The following PDE1A variants were observed in gnomAD, a reference collection of about 807,000 sequenced individuals.
The protein encoded by PDE1A is dual specificity calcium/calmodulin-dependent 3',5'-cyclic nucleotide phosphodiesterase 1A.
PDE1A carries 35 observed loss-of-function variants against 61.7 expected under a neutral mutation model. That is an observed-to-expected ratio of 0.57 (90% CI 0.43 to 0.75). The LOEUF is 0.75. PDE1A is among the 30% of genes least tolerant of loss of function. PDE1A has a pLI of 0.00. For missense variants in PDE1A, 597 were observed against 630.6 expected (o/e 0.95, Z 0.57); for synonymous variants, 232 against 213.2 (o/e 1.09, Z -0.77).
At chr2:182,681,926 G>T in the PDE1A span, among the ~76,000 whole-genome samples, 20 of 152,288 alleles carry the variant, frequency 1.3e-4, no homozygotes, top group African/African-American at 4.6e-4. Flanking sequence ...GATTACAGGC[G>T]TGAGCCACCA....
intron 10 of PDE1A, among the ~76,000 whole-genome samples, chr2:182,199,700 T>C (rs548506723): frequency 3.3e-5 from 5 of 152,250 alleles, no homozygotes; most frequent in Non-Finnish European, 7.4e-5. Flanking sequence ...ATTTGGTAGG[T>C]TTTTACATTT....
intron 1 of PDE1A, among the ~76,000 whole-genome samples, chr2:182,376,626 A>C (rs577046594): frequency 6.6e-6 from 1 of 152,178 alleles, no homozygotes; most frequent in African/African-American, 2.4e-5. Flanking sequence ...CCTGTTACCC[A>C]GTTTCAAAGT....
intron 1 of PDE1A, among the ~76,000 whole-genome samples, chr2:182,378,699 C>T (rs1700558980): frequency 6.6e-6 from 1 of 152,180 alleles, no homozygotes; most frequent in Non-Finnish European, 1.5e-5. Flanking sequence ...GTCCAATATG[C>T]AACTAATGAA....
chr2:182,172,032 C>G (rs1324246297), intron 13 of PDE1A, among the ~76,000 whole-genome samples: 1 of 151,986 alleles, frequency 6.6e-6, no homozygotes, highest in Non-Finnish European at 1.5e-5. Flanking sequence ...TATCAGAAAG[C>G]ATAGCAAATG....
the PDE1A span, among the ~76,000 whole-genome samples, chr2:182,558,990 A>G: frequency 2.9e-4 from 44 of 152,208 alleles, 1 homozygote; most frequent in African/African-American, 8.9e-4. Flanking sequence ...ATCAAAGCCT[A>G]AGCCTAAATC....
chr2:182,684,123 CA>C, the PDE1A span, among the ~76,000 whole-genome samples: 181 of 52,048 alleles, frequency 3.5e-3, 1 homozygote, highest in Middle Eastern at 0.013. Context: ...AACTCCATCT[CA>C]AAAAAAAAAA....
chr2:182,450,383 A>G (rs992407700), intron 2 of PDE1A, among the ~76,000 whole-genome samples: 1 of 152,066 alleles, frequency 6.6e-6, no homozygotes, highest in South Asian at 2.1e-4. Context: ...AAGCTATGAA[A>G]TCTTCCATGA....
the PDE1A span, among the ~76,000 whole-genome samples, chr2:182,692,150 G>C: frequency 2.6e-5 from 4 of 152,086 alleles, no homozygotes; most frequent in African/African-American, 9.7e-5. Flanking sequence ...GACATACAAT[G>C]TGACCCAGCA....
chr2:182,249,391 G>T (rs1265501208), intron 2 of PDE1A, among the ~76,000 whole-genome samples: 1 of 152,192 alleles, frequency 6.6e-6, no homozygotes, highest in Non-Finnish European at 1.5e-5. Flanking sequence ...AGTATCTGGA[G>T]GGGGAAGAGG....
the PDE1A span, among the ~76,000 whole-genome samples, chr2:182,690,699 G>T: frequency 1.3e-5 from 2 of 152,138 alleles, no homozygotes; most frequent in African/African-American, 4.8e-5. Flanking sequence ...GCAAGAGAAA[G>T]AAATAAAGGG....
chr2:182,674,880 C>T, the PDE1A span, among the ~76,000 whole-genome samples: 1 of 152,014 alleles, frequency 6.6e-6, no homozygotes, highest in African/African-American at 2.4e-5. Context: ...TTAATCAGTT[C>T]CCTAGGCTGC....
chr2:182,303,242 C>T (rs767509500), intron 1 of PDE1A, among the ~76,000 whole-genome samples: 2 of 152,150 alleles, frequency 1.3e-5, no homozygotes, highest in African/African-American at 2.4e-5. Flanking sequence ...TATAGCCTTA[C>T]GAGATATATT....
the PDE1A span, among the ~76,000 whole-genome samples, chr2:182,616,918 G>A: frequency 1.3e-5 from 2 of 152,190 alleles, no homozygotes; most frequent in East Asian, 1.9e-4. Flanking sequence ...TTCAACAGCT[G>A]ACCTCAGGTC....
chr2:182,330,236 A>G (rs1697315639), intron 1 of PDE1A, among the ~76,000 whole-genome samples: 1 of 151,830 alleles, frequency 6.6e-6, no homozygotes, highest in Non-Finnish European at 1.5e-5. Flanking sequence ...CCCAGCTACT[A>G]AGGAGGCTGA....
the PDE1A span, among the ~76,000 whole-genome samples, chr2:182,677,594 A>T: frequency 6.6e-6 from 1 of 152,338 alleles, no homozygotes; most frequent in South Asian, 2.1e-4. Flanking sequence ...ACCCAAGACA[A>T]TGCTGAAGGC....
chr2:182,268,557 A>C (rs1215447431), intron 1 of PDE1A, among the ~76,000 whole-genome samples: 1 of 152,038 alleles, frequency 6.6e-6, no homozygotes, highest in Non-Finnish European at 1.5e-5. Flanking sequence ...ACATGCAAAC[A>C]ATGTGGTCAA....
intron 10 of PDE1A, among the ~76,000 whole-genome samples, chr2:182,189,653 A>G (rs1204008410): frequency 1.3e-5 from 2 of 152,130 alleles, no homozygotes; most frequent in Non-Finnish European, 2.9e-5. Context: ...CAATTTTTTT[A>G]TTATTTGATC....
chr2:182,644,584 A>G, the PDE1A span, among the ~76,000 whole-genome samples: 1 of 152,144 alleles, frequency 6.6e-6, no homozygotes, highest in African/African-American at 2.4e-5. Flanking sequence ...AAACTAGAAG[A>G]TTGAGCTTCT....
chr2:182,608,540 C>A, the PDE1A span, among the ~76,000 whole-genome samples: 1 of 152,206 alleles, frequency 6.6e-6, no homozygotes, highest in Non-Finnish European at 1.5e-5. Context: ...GGCTCGGCGG[C>A]CCGGCACTCG....
Sources: gnomAD v4.1 joint callset for allele counts (sites outside exome capture counted in the v4.1 genomes callset) on GRCh38, gnomAD v4.1.1 for gene constraint, MANE v1.5 for transcripts, NCBI Gene and HGNC (gene_info 2026-07-23, HGNC 2026-07-21) for gene names.